The following DIP2C variants were observed in gnomAD, a reference collection of about 807,000 sequenced individuals.
DIP2C encodes DIP2 acetate--CoA ligase C (putative).
In DIP2C, 33 loss-of-function variants were observed where a neutral mutation model predicts 192.4. That is an observed-to-expected ratio of 0.17 (90% CI 0.13 to 0.23). The LOEUF is 0.23. Among genes scored for constraint, DIP2C ranks in the 10% least tolerant of loss-of-function variants. The pLI is 1.00. For missense variants in DIP2C, 1,537 were observed against 2,110.1 expected, an observed-to-expected ratio of 0.73 and a Z score of 5.32; for synonymous variants, 979 against 864.1, an observed-to-expected ratio of 1.13 and a Z score of -2.33.
chr10:358,014 GACCTT>G, intron 22 of DIP2C, 77 bp from the exon 23 acceptor site: 1 of 1,100,890 alleles, frequency 9.1e-7, no homozygotes, highest in East Asian at 2.5e-5. Flanking sequence ...CTTTGGTAAA[GACCTT>G]ACTCTCGGAA....
chr10:451,516 T>C (rs966779113), intron 3 of DIP2C, among the ~76,000 whole-genome samples: 3 of 152,262 alleles, frequency 2.0e-5, no homozygotes, highest in African/African-American at 7.2e-5. Context: ...CCAAACTGGA[T>C]ATTCTTTTTA....
At chr10:630,176 C>T (rs373063584) in intron 1 of DIP2C, 1 of 152,328 alleles carries the variant, frequency 6.6e-6, no homozygotes, top group East Asian at 1.9e-4. Context: ...CACGGAACGA[C>T]GCCACCATTG....
At chr10:557,913 CGGGGAA>C (rs1848995431) in intron 1 of DIP2C, among the ~76,000 whole-genome samples, 1 of 18,774 alleles carries the variant, frequency 5.3e-5, no homozygotes, top group East Asian at 1.7e-3. Flanking sequence ...GGGAAGGGGG[CGGGGAA>C]GGGGGAAACC....
chr10:344,691 C>A, intron 28 of DIP2C, 118 bp downstream of exon 28: 2 of 809,772 alleles, frequency 2.5e-6, no homozygotes, highest in Non-Finnish European at 2.0e-6. Context: ...GTATGTATAC[C>A]TCTTTCCACA....
chr10:549,000 A>G (rs935201545), intron 1 of DIP2C, among the ~76,000 whole-genome samples: 2 of 150,342 alleles, frequency 1.3e-5, no homozygotes, highest in African/African-American at 4.9e-5. Context: ...TTCTAGTCCA[A>G]TCCCCCACCC....
At chr10:317,969 G>C (rs867259229) in intron 31 of DIP2C, among the ~76,000 whole-genome samples, 2 of 152,236 alleles carry the variant, frequency 1.3e-5, no homozygotes, top group Non-Finnish European at 2.9e-5. Context: ...GCATCGCCTA[G>C]GAAGTCGTGG....
chr10:678,847 C>T (rs1342502449), intron 1 of DIP2C, among the ~76,000 whole-genome samples: 7 of 109,206 alleles, frequency 6.4e-5, no homozygotes, highest in East Asian at 2.9e-4. Flanking sequence ...GTGCTCCCCG[C>T]ACCCATCTCT....
At chr10:615,025 C>A (rs1246174733) in intron 1 of DIP2C, among the ~76,000 whole-genome samples, 4 of 152,216 alleles carry the variant, frequency 2.6e-5, no homozygotes, top group African/African-American at 9.6e-5. Flanking sequence ...TGGTCCCACG[C>A]CAGCCAGAAA....
At chr10:499,736 G>A (rs905132345) in intron 1 of DIP2C, among the ~76,000 whole-genome samples, 8 of 152,210 alleles carry the variant, frequency 5.3e-5, no homozygotes, top group African/African-American at 1.9e-4. Context: ...GCATGTGGGG[G>A]TTATGGAAAT....
At chr10:639,929 C>T (rs1265394138) in intron 1 of DIP2C, among the ~76,000 whole-genome samples, 1 of 152,214 alleles carries the variant, frequency 6.6e-6, no homozygotes, top group African/African-American at 2.4e-5. Flanking sequence ...CCAAGGCTTC[C>T]GCTGACCACG....
chr10:651,193 C>T lies in DIP2C; in HGVS notation c.85+38301G>A. The T allele has an allele frequency of 2.8e-6, 2 of 717,472 alleles. No individual in the cohort carries two copies. Among genetic ancestry groups the T allele is most frequent in the East Asian group, 5.4e-5 (2 of 37,282 alleles). 44.4% of individuals were successfully genotyped at this position (717,472 alleles called of 1,614,324 possible). ...AGGTCTGGGACCACCGTCCTCCACG[C>T]ATATCTACAGACCCTGTCCTCACCT... On this transcript the variant is annotated intron_variant, in intron 1 of 36. Transcript: ENST00000280886. The surrounding 1 kb of genome is among the most constrained non-coding windows in gnomAD (Gnocchi z 4.1).
chr10:579,292 G>A (rs1461829257), intron 1 of DIP2C, among the ~76,000 whole-genome samples: 2 of 151,148 alleles, frequency 1.3e-5, no homozygotes, highest in African/African-American at 2.4e-5. Flanking sequence ...CCAGATTCAT[G>A]TAGTGTACAC....
intron 23 of DIP2C, among the ~76,000 whole-genome samples, chr10:357,526 C>T (rs2132685331): frequency 6.6e-6 from 1 of 152,346 alleles, no homozygotes; most frequent in Non-Finnish European, 1.5e-5. Context: ...ATCGCTGTGA[C>T]ATTTTCTGAA....
At chr10:340,735 TAG>T in intron 29 of DIP2C, 1 of 457,188 alleles carries the variant, frequency 2.2e-6, no homozygotes, top group Non-Finnish European at 4.4e-6. Context: ...GGCTGCTGGG[TAG>T]AGTGCCGCAC....
In DIP2C at chr10:329,476, T is replaced by G. The variant is rs773337322; in HGVS notation, c.3710A>C (p.Glu1237Ala). ...RDTFCSYSVM[E>A]LCTKGLGSQT... The stretch of plus-strand genomic sequence containing the variant: ...CGAGCCCAGCCCCTTGGTGCACAGC[T>G]CCATCACGGAGTAGGAGCAAAACGT... Residue 1237 changes from glutamate to alanine, a missense_variant, in exon 30 of 37, where the codon GAG (glutamate) becomes GCG (alanine). Transcript: ENST00000280886. The G allele has an allele frequency of 6.2e-7, 1 of 1,614,114 alleles. No individual in the cohort carries two copies. Among genetic ancestry groups the G allele is most frequent in the Non-Finnish European group, 8.5e-7 (1 of 1,180,006 alleles).
chr10:670,276 ATACACACG>A lies in DIP2C; in HGVS notation c.85+19210_85+19217del, dbSNP rs1281225958. On this transcript the variant is annotated intron_variant, in intron 1 of 36. Transcript: ENST00000280886. Reference sequence around the variant, plus strand: ...CGTACATGCACATACACGCATGCATATACACACGTACACATGCACACACATACGCACAT... The same window carrying A: ...CGTACATGCACATACACGCATGCATATACACATGCACACACATACGCACAT... Among the ~76,000 whole-genome samples the A allele has an allele frequency of 4.9e-5, 7 of 142,536 alleles. No homozygotes were observed. The East Asian group carries it at 1.2e-3, about 25-fold the overall frequency. The allele number at this position is 142,536 out of a possible 152,430, so 93.5% of individuals were successfully genotyped here. A position where few individuals can be genotyped will look rare whatever the true frequency, so the allele number is the denominator to read the frequency against.
Position 651,501 on chromosome 10 carries a change from C to T in DIP2C, c.85+37993G>A, listed in dbSNP as rs1014103122. 15 of 564,318 alleles carry T rather than the reference C, an allele frequency of 2.7e-5. No homozygotes were observed. The highest frequency in any genetic ancestry group is 2.4e-4 in the African/African-American group (13 of 53,784). The allele number at this position is 564,318 out of a possible 1,614,324, so 35.0% of individuals were successfully genotyped here. A position where few individuals can be genotyped will look rare whatever the true frequency, so the allele number is the denominator to read the frequency against. On this transcript the variant is annotated intron_variant, in intron 1 of 36. Transcript: ENST00000280886. The surrounding 1 kb of genome is among the most constrained non-coding windows in gnomAD (Gnocchi z 4.1). ...TAACAATTACAATTATATGAAAATC[C>T]GTATCCACGTGAAGGTATTATGCAA...
In DIP2C at chr10:382,719, C is replaced by T. The variant is rs1962488146; in HGVS notation, c.1919G>A (p.Ser640Asn). The T allele has an allele frequency of 6.2e-7, 1 of 1,613,610 alleles. No individual in the cohort carries two copies. The highest frequency in any genetic ancestry group is 1.3e-5 in the African/African-American group (1 of 74,904). ...GATGACCTCCTGTCGAAGGCCTTTA[C>T]TTTGGAAGACATTGAGAAATGCATC... ...SCDAFLNVFQ[S>N]KGLRQEVICP... The change falls in exon 17 of 37, where the codon AGT (serine) becomes AAT (asparagine). Residue 640 changes from serine to asparagine, a missense_variant. Coordinates refer to ENST00000280886, the MANE Select transcript of DIP2C (RefSeq NM_014974.3).
chr10:620,484 G>A (rs912709072), intron 1 of DIP2C, among the ~76,000 whole-genome samples: 6 of 152,188 alleles, frequency 3.9e-5, no homozygotes, highest in African/African-American at 1.4e-4. Context: ...TACGGAGGGA[G>A]AAGCCCTGGG....
Sources: allele counts gnomAD v4.1 joint callset (sites outside exome capture counted in the v4.1 genomes callset), GRCh38; gene constraint gnomAD v4.1.1; non-coding constraint Gnocchi (gnomAD v3.1); transcripts MANE v1.5; gene names NCBI Gene and HGNC (gene_info 2026-07-23, HGNC 2026-07-21).